Variants in GRB2 observed in about 807,000 individuals in gnomAD.
GRB2 encodes growth factor receptor-bound protein 2.
In GRB2, 2 loss-of-function variants were observed where a neutral mutation model predicts 27.4. That is an observed-to-expected ratio of 0.07 (90% CI 0.03 to 0.23). The LOEUF (loss-of-function observed/expected upper bound fraction) is 0.23, where lower values mean the gene tolerates loss of function less well. GRB2 is among the 10% of genes least tolerant of loss of function. The pLI is 1.00. For missense variants in GRB2, 102 were observed against 282.4 expected, an observed-to-expected ratio of 0.36 and a Z score of 4.58; for synonymous variants, 94 against 99.6, an observed-to-expected ratio of 0.94 and a Z score of 0.33.
chr17:75,351,625 T>C (rs761882958), intron 2 of GRB2, among the ~76,000 whole-genome samples: 3 of 151,934 alleles, frequency 2.0e-5, no homozygotes, highest in South Asian at 2.1e-4. Context: ...TGCACCCCAA[T>C]CTGGGTGACA....
chr17:75,373,830 CAG>C (rs2078872904), intron 2 of GRB2: 1 of 104,150 alleles, frequency 9.6e-6, no homozygotes. Context: ...TTTTTTGAGA[CAG>C]AGTCTCGCTC....
chr17:75,329,549 C>A (rs1473913213), intron 3 of GRB2, among the ~76,000 whole-genome samples: 1 of 151,830 alleles, frequency 6.6e-6, no homozygotes, highest in African/African-American at 2.4e-5. Context: ...GAATTAAAAC[C>A]AAAAACCAAA....
intron 2 of GRB2, among the ~76,000 whole-genome samples, chr17:75,381,457 G>A (rs960419506): frequency 1.3e-5 from 2 of 151,966 alleles, no homozygotes; most frequent in Non-Finnish European, 2.9e-5. Flanking sequence ...GCTGGGTACA[G>A]TGGCTCATCC....
At chr17:75,371,852 A>G (rs1451597820) in intron 2 of GRB2, 1 of 152,146 alleles carries the variant, frequency 6.6e-6, no homozygotes, top group Non-Finnish European at 1.5e-5. Flanking sequence ...TTCTGACATT[A>G]CTGGCAAAAG....
At chr17:75,324,507 G>GTTTTTTTTTTTTTTTTTT (rs767194304) in intron 4 of GRB2, among the ~76,000 whole-genome samples, 4 of 36,696 alleles carry the variant, frequency 1.1e-4, no homozygotes, top group Non-Finnish European at 1.1e-4. Context: ...ACCGCACCCA[G>GTTTTTTTTTTTTTTTTTT]TTTTTTTTTT....
At chr17:75,347,794 A>T (rs1187895608) in intron 2 of GRB2, among the ~76,000 whole-genome samples, 1 of 152,178 alleles carries the variant, frequency 6.6e-6, no homozygotes, top group East Asian at 1.9e-4. Flanking sequence ...GGAGGTCCCC[A>T]GCTGGAGTCA....
chr17:75,381,966 T>C (rs1407330794), intron 2 of GRB2, among the ~76,000 whole-genome samples: 1 of 151,530 alleles, frequency 6.6e-6, no homozygotes, highest in South Asian at 2.1e-4. Flanking sequence ...CCTGGGTTCC[T>C]GTAATCCCAG....
chr17:75,345,963 A>G (rs1037581027), intron 2 of GRB2, among the ~76,000 whole-genome samples: 3 of 152,092 alleles, frequency 2.0e-5, no homozygotes, highest in Admixed American at 1.3e-4. Context: ...TATATGTTAC[A>G]ATCATCAGAA....
intron 2 of GRB2, among the ~76,000 whole-genome samples, chr17:75,348,792 C>T (rs2078670386): frequency 6.6e-6 from 1 of 152,208 alleles, no homozygotes; most frequent in African/African-American, 2.4e-5. Context: ...CTTCCCACCT[C>T]AGTCTCCTGA....
At chr17:75,395,591 G>C (rs964008211) in intron 1 of GRB2, among the ~76,000 whole-genome samples, 1 of 152,102 alleles carries the variant, frequency 6.6e-6, no homozygotes, top group African/African-American at 2.4e-5. Flanking sequence ...CTTTCTCTTT[G>C]TATTTACTTA....
chr17:75,393,772 C>A lies in GRB2; in HGVS notation c.-137-7G>T. ...TGGGACACACAATGCCACCCTGAAGCAGGAGAGGGACGATTAAGAGCAGTG... is the reference window on the plus strand; with the variant it reads ...TGGGACACACAATGCCACCCTGAAGAAGGAGAGGGACGATTAAGAGCAGTG... On this transcript the variant is annotated splice_region_variant and splice_polypyrimidine_tract_variant and intron_variant, in intron 1 of 5. Coordinates refer to ENST00000316804, the MANE Select transcript of GRB2 (RefSeq NM_002086.5). 1 of 656,524 alleles carries A rather than the reference C, an allele frequency of 1.5e-6. No homozygotes were observed. Among genetic ancestry groups the A allele is most frequent in the South Asian group, 1.7e-5 (1 of 57,284 alleles). 40.7% of individuals were successfully genotyped at this position (656,524 alleles called of 1,614,324 possible). A position where few individuals can be genotyped will look rare whatever the true frequency, so the allele number is the denominator to read the frequency against.
intron 4 of GRB2, among the ~76,000 whole-genome samples, chr17:75,325,340 A>G (rs1323490033): frequency 6.6e-6 from 1 of 152,182 alleles, no homozygotes; most frequent in Non-Finnish European, 1.5e-5. Context: ...ATTGTTTAGA[A>G]TCTTCAAGTG....
chr17:75,383,019 A>ATCCTTACTGTTAGCCAATT (rs1351467729), intron 2 of GRB2, among the ~76,000 whole-genome samples: 4 of 152,072 alleles, frequency 2.6e-5, no homozygotes, highest in South Asian at 2.1e-4. Context: ...GGCATCCTTA[A>ATCCTTACTGTTAGCCAATT]GATTTTTAAA....
intron 2 of GRB2, chr17:75,339,200 T>G (rs2078603322): frequency 4.4e-6 from 4 of 912,784 alleles, no homozygotes; most frequent in Non-Finnish European, 5.2e-6. Context: ...TTTATGTTTT[T>G]TTTTTTTTTT....
intron 2 of GRB2, among the ~76,000 whole-genome samples, chr17:75,355,924 G>A (rs1328242465): frequency 1.3e-5 from 2 of 149,258 alleles, no homozygotes; most frequent in Non-Finnish European, 3.0e-5. Flanking sequence ...TTCGCCTCCC[G>A]AGTTCAAGCA....
intron 1 of GRB2, chr17:75,394,134 G>A (rs2079016347): frequency 6.4e-6 from 1 of 155,994 alleles, no homozygotes; most frequent in African/African-American, 2.4e-5. Context: ...TGAAAGGAAG[G>A]CCTCACCCTG....
chr17:75,350,538 C>A (rs1432620696), intron 2 of GRB2, among the ~76,000 whole-genome samples: 1 of 152,186 alleles, frequency 6.6e-6, no homozygotes, highest in Non-Finnish European at 1.5e-5. Flanking sequence ...GTTGCACAGG[C>A]TGGAGTGCAG....
rs75484751 is a variant in GRB2 at position 75,404,315 on chromosome 17, G to A, written c.-138+1174C>T. 3.9e-5 allele frequency among the ~76,000 whole-genome samples: 6 copies of A among 152,242 alleles called. No homozygotes were observed. In the East Asian group the frequency reaches 9.6e-4, roughly 24 times the overall value. Reference sequence around the variant, plus strand: ...TTTTGAGCCTCCCCGTTCTCAGAGAGGGGACTTCAGCCTCCCACGGCTCTC... The same window carrying A: ...TTTTGAGCCTCCCCGTTCTCAGAGAAGGGACTTCAGCCTCCCACGGCTCTC... On this transcript the variant is annotated intron_variant, in intron 1 of 5. Coordinates refer to ENST00000316804, the MANE Select transcript of GRB2 (RefSeq NM_002086.5).
At chr17:75,349,664 C>T (rs548186852) in intron 2 of GRB2, among the ~76,000 whole-genome samples, 3 of 152,054 alleles carry the variant, frequency 2.0e-5, no homozygotes, top group African/African-American at 4.8e-5. Context: ...GGATTGCAGG[C>T]GCCCACCACC....
Sources: gnomAD v4.1 joint callset for allele counts (sites outside exome capture counted in the v4.1 genomes callset) on GRCh38, gnomAD v4.1.1 for gene constraint, MANE v1.5 for transcripts, NCBI Gene and HGNC (gene_info 2026-07-23, HGNC 2026-07-21) for gene names.